CHN2: variants seen among roughly 807,000 people sequenced by gnomAD.
CHN2 encodes beta-chimaerin.
In CHN2, 35 loss-of-function variants were observed where a neutral mutation model predicts 56.3. The observed-to-expected ratio is 0.62, with a 90% CI of 0.47 to 0.82. CHN2 has a LOEUF of 0.82. Ranked by LOEUF, CHN2 falls within the 40% of genes least tolerant of loss-of-function variation. CHN2 has a pLI of 0.00. For missense variants in CHN2, 491 were observed against 580.5 expected (o/e 0.85, Z 1.58); for synonymous variants, 210 against 212.8 (o/e 0.99, Z 0.12).
At chr7:29,237,347 A>AC (rs35565025) in intron 1 of CHN2, among the ~76,000 whole-genome samples, 21,558 of 152,136 alleles carry the variant, frequency 0.14, 1,781 homozygotes, top group Non-Finnish European at 0.19. Context: ...CAGATTCCTG[A>AC]TGTTTCAGTA....
chr7:29,158,696 T>A (rs992993290), intron 2 of CHN2, among the ~76,000 whole-genome samples: 2 of 152,254 alleles, frequency 1.3e-5, no homozygotes, highest in African/African-American at 4.8e-5. Flanking sequence ...GCCGTAGAGT[T>A]AACAGTTTAA....
intron 7 of CHN2, chr7:29,483,937 G>A (rs1787653931): frequency 8.1e-7 from 1 of 1,229,168 alleles, no homozygotes; most frequent in Non-Finnish European, 1.1e-6. Flanking sequence ...GAGGTTTAAA[G>A]AATACATGCG....
Position 29,481,303 on chromosome 7 carries a change from C to T in CHN2, c.654+947C>T, listed in dbSNP as rs544673671. Among the ~76,000 whole-genome samples the T allele has an allele frequency of 2.6e-5, 4 of 152,312 alleles. No homozygotes were observed. In the East Asian group the frequency reaches 5.8e-4, roughly 22 times the overall value. The stretch of plus-strand genomic sequence containing the variant: ...CTTTCTTTTAAAAAAATTCTTGTTT[C>T]CTTTAGGGTCAGTAACCCAAGTGAC... On this transcript the variant is annotated intron_variant, in intron 7 of 12. Transcript: ENST00000222792.
chr7:29,157,891 A>G (rs1794635693), intron 2 of CHN2, among the ~76,000 whole-genome samples: 1 of 152,204 alleles, frequency 6.6e-6, no homozygotes, highest in Non-Finnish European at 1.5e-5. Context: ...TAATGTAAAA[A>G]TGCTCCGGCA....
intron 7 of CHN2, among the ~76,000 whole-genome samples, chr7:29,489,427 C>T (rs1424241911): frequency 6.6e-6 from 1 of 152,046 alleles, no homozygotes. Context: ...TGGAAAAAGC[C>T]GACCAGTGAA....
intron 1 of CHN2, among the ~76,000 whole-genome samples, chr7:29,342,292 A>C (rs1023320725): frequency 1.3e-5 from 2 of 152,200 alleles, no homozygotes; most frequent in African/African-American, 4.8e-5. Flanking sequence ...ATCCCAGATA[A>C]TGTATGGAAG....
At chr7:29,274,137 A>T (rs1263120611) in intron 1 of CHN2, among the ~76,000 whole-genome samples, 2 of 152,228 alleles carry the variant, frequency 1.3e-5, no homozygotes, top group East Asian at 1.9e-4. Flanking sequence ...GCTTACGAAC[A>T]TTCGGGAAAG....
chr7:29,400,475 C>T, intron 5 of CHN2, 68 bp from the exon 6 acceptor site: 1 of 1,476,892 alleles, frequency 6.8e-7, no homozygotes, highest in Non-Finnish European at 9.3e-7. Context: ...ACGTTAGCTG[C>T]TATTGTTATC....
chr7:29,287,950 C>T (rs1308617385), intron 1 of CHN2, among the ~76,000 whole-genome samples: 1 of 152,118 alleles, frequency 6.6e-6, no homozygotes, highest in African/African-American at 2.4e-5. Context: ...TACTGCATGT[C>T]ACAATTATTT....
At chr7:29,217,349 T>C (rs1785424554) in intron 1 of CHN2, among the ~76,000 whole-genome samples, 1 of 152,190 alleles carries the variant, frequency 6.6e-6, no homozygotes, top group African/African-American at 2.4e-5. Context: ...GGACATTCCT[T>C]AGCTTCAGCA....
intron 3 of CHN2, among the ~76,000 whole-genome samples, chr7:29,368,760 C>T (rs1394779017): frequency 6.6e-6 from 1 of 152,136 alleles, no homozygotes; most frequent in Non-Finnish European, 1.5e-5. Context: ...GGTTTTGAAC[C>T]TGTTTCAAAG....
chr7:29,491,841 T>G (rs527859994), intron 7 of CHN2, among the ~76,000 whole-genome samples: 1 of 152,258 alleles, frequency 6.6e-6, no homozygotes, highest in Non-Finnish European at 1.5e-5. Flanking sequence ...AAGAGAACTT[T>G]AGACTTCTTC....
Position 29,326,261 on chromosome 7 carries a change from G to T in CHN2, c.50-28364G>T, listed in dbSNP as rs192365905. ...CAACCTCCGCTTCCTGGGTTAAAGCGATTCTCCTGCCTCAGCCTCCCGAGT... is the reference window on the plus strand; with the variant it reads ...CAACCTCCGCTTCCTGGGTTAAAGCTATTCTCCTGCCTCAGCCTCCCGAGT... On this transcript the variant is annotated intron_variant, in intron 1 of 12. Coordinates refer to ENST00000222792, the MANE Select transcript of CHN2 (RefSeq NM_004067.4). Among the ~76,000 whole-genome samples, 946 of 152,218 alleles carry T rather than the reference G, an allele frequency of 6.2e-3. 23 individuals carry two copies. The highest frequency in any genetic ancestry group is 0.048 in the Admixed American group (740 of 15,292).
At chr7:29,466,648 C>CAAT (rs1785576541) in intron 6 of CHN2, among the ~76,000 whole-genome samples, 2 of 152,238 alleles carry the variant, frequency 1.3e-5, no homozygotes, top group African/African-American at 4.8e-5. Flanking sequence ...TTTTCATTTC[C>CAAT]AATAAAGTTA....
chr7:29,212,605 T>G, intron 1 of CHN2: 1 of 1,411,484 alleles, frequency 7.1e-7, no homozygotes, highest in Non-Finnish European at 1.0e-6. Flanking sequence ...GAACTGTGTT[T>G]TCTTCCACCC....
intron 7 of CHN2, among the ~76,000 whole-genome samples, chr7:29,494,428 A>G (rs544017639): frequency 6.6e-6 from 1 of 152,290 alleles, no homozygotes; most frequent in South Asian, 2.1e-4. Context: ...AAAATGTCCA[A>G]CTTTAGATAG....
At chr7:29,289,459 G>A (rs1169345688) in intron 1 of CHN2, among the ~76,000 whole-genome samples, 1 of 152,112 alleles carries the variant, frequency 6.6e-6, no homozygotes, top group Non-Finnish European at 1.5e-5. Flanking sequence ...AGGCCAGCAG[G>A]ACTACGGGTT....
At chr7:29,391,847 G>C (rs1441982398) in intron 3 of CHN2, among the ~76,000 whole-genome samples, 1 of 152,196 alleles carries the variant, frequency 6.6e-6, no homozygotes, top group African/African-American at 2.4e-5. Context: ...TTTATCATTG[G>C]TTGATGAACT....
At chr7:29,155,686 G>A (rs1009522800) in intron 2 of CHN2, among the ~76,000 whole-genome samples, 48 of 152,288 alleles carry the variant, frequency 3.2e-4, no homozygotes, top group African/African-American at 1.1e-3. Context: ...TCCTGCTTCC[G>A]TGTTTTTAAA....
Sources: gnomAD v4.1 joint callset for allele counts (sites outside exome capture counted in the v4.1 genomes callset) on GRCh38, gnomAD v4.1.1 for gene constraint, MANE v1.5 for transcripts, NCBI Gene and HGNC (gene_info 2026-07-23, HGNC 2026-07-21) for gene names.